The following HGFAC variants were observed in gnomAD, a reference collection of about 807,000 sequenced individuals.
HGFAC encodes the protein HGF activator, also known as hepatocyte growth factor activator serine protease.
HGFAC carries 76 observed loss-of-function variants against 70.6 expected under a neutral mutation model. The ratio of observed to expected loss-of-function variants is 1.08; its 90% CI spans 0.89 to 1.30. The LOEUF is 1.30. HGFAC is among the 50% of genes most tolerant of loss of function. The pLI is 0.00. For missense variants in HGFAC, 1,044 were observed against 933.7 expected (o/e 1.12, Z -1.54); for synonymous variants, 464 against 405.3 (o/e 1.14, Z -1.74).
intron 3 of HGFAC, 49 bp from the exon 4 acceptor site, chr4:3,443,292 T>TG (rs1275125801): frequency 1.8e-5 from 18 of 1,010,916 alleles, no homozygotes; most frequent in African/African-American, 1.2e-4. Context: ...TGGGGTGGGG[T>TG]GGGGGGCCTC....
rs570560421 is a variant in HGFAC, at chr4:3,447,531, C to T, written c.1395C>T (p.His465=). The T allele has an allele frequency of 2.5e-6, 4 of 1,612,706 alleles. No homozygotes were observed. The East Asian group carries it at 8.9e-5, about 36-fold the overall frequency. The change falls in exon 11 of 14, where the codon CAC becomes CAT. Residue 465 remains histidine (H), a synonymous_variant. Coordinates refer to ENST00000382774, the MANE Select transcript of HGFAC (RefSeq NM_001528.4). ...GCGTCTCCGTGGTGCTGGGCCAGCA[C>T]TTCTTCAACCGCACGACGGACGTGA... is the stretch of plus-strand genomic sequence containing the variant. ...RDSVSVVLGQ[H]FFNRTTDVTQ...
At position 3,449,225 on chromosome 4, in the gene HGFAC, G is replaced by C; in HGVS notation, c.1786-12G>C. ...CCCTGGGAGGGTGGCTCTGACCAAC[G>C]TCTCTGCCCAGGGGGACTCAGGGGG... On this transcript the variant is annotated splice_polypyrimidine_tract_variant and intron_variant, in intron 13 of 13. Transcript: ENST00000382774. 6.2e-7 allele frequency: 1 copy of C among 1,607,280 alleles called. No individual in the cohort carries two copies. Among genetic ancestry groups the C allele is most frequent in the East Asian group, 2.2e-5 (1 of 44,686 alleles).
chr4:3,443,602 G>A (rs1051954657), intron 4 of HGFAC, among the ~76,000 whole-genome samples, 182 bp downstream of exon 4: 9 of 152,322 alleles, frequency 5.9e-5, no homozygotes, highest in East Asian at 1.9e-4. Context: ...TGGGACCTGC[G>A]TCTCATGGTG....
At chr4:3,445,120 C>A in intron 8 of HGFAC, 127 bp downstream of exon 8, 1 of 1,328,516 alleles carries the variant, frequency 7.5e-7, no homozygotes, top group Non-Finnish European at 1.0e-6. Flanking sequence ...GAACCTCTGC[C>A]TGGGAGGCTG....
chr4:3,441,345 C>G (rs1316408716), upstream of HGFAC, among the ~76,000 whole-genome samples: 1 of 152,136 alleles, frequency 6.6e-6, no homozygotes, highest in Non-Finnish European at 1.5e-5. The surrounding 1 kb of genome is among the most constrained non-coding windows in gnomAD (Gnocchi z 6.0). Flanking sequence ...GCTGGGGGGC[C>G]CTGGCCACCC....
Position 3,444,950 on chromosome 4 carries a change from G to A in HGFAC, c.973G>A (p.Gly325Ser). 1 of 1,607,496 alleles carries A rather than the reference G, an allele frequency of 6.2e-7. No individual in the cohort carries two copies. Among genetic ancestry groups the A allele is most frequent in the Non-Finnish European group, 8.5e-7 (1 of 1,177,938 alleles). ...CCAGGAGCTGCACGTGGACTCCGTGGGCGCCGCGGCCCTGCTGGGCCTGGG... is the reference window on the plus strand; with the variant it reads ...CCAGGAGCTGCACGTGGACTCCGTGAGCGCCGCGGCCCTGCTGGGCCTGGG... Reference protein sequence around the residue: ...LYQELHVDSVGAAALLGLGPH... With the variant: ...LYQELHVDSVSAAALLGLGPH... The change falls in exon 8 of 14, where the codon GGC becomes AGC. Residue 325 changes from glycine (G) to serine (S), a missense_variant. Gly to Ser is a moderately conservative substitution (Grantham distance 56). Transcript: ENST00000382774.
At chr4:3,445,454 A>G in intron 9 of HGFAC, 104 bp downstream of exon 9, 1 of 816,152 alleles carries the variant, frequency 1.2e-6, no homozygotes, top group Non-Finnish European at 2.1e-6. Context: ...TGCATCTCTG[A>G]CAAATGGGGA....
Position 3,442,718 on chromosome 4 carries a change from T to C in HGFAC, c.118-14T>C. Reference sequence around the variant, plus strand: ...GGGTCTGTCCCACACTGACACCCTTTCTGCTCCTCCTAGAACCGTACGGAG... The same window carrying C: ...GGGTCTGTCCCACACTGACACCCTTCCTGCTCCTCCTAGAACCGTACGGAG... On this transcript the variant is annotated splice_polypyrimidine_tract_variant and intron_variant, in intron 1 of 13. Transcript: ENST00000382774. The C allele has an allele frequency of 6.8e-7, 1 of 1,463,768 alleles. No homozygotes were observed. The highest frequency in any genetic ancestry group is 1.5e-5 in the South Asian group (1 of 65,840). 90.7% of individuals were successfully genotyped at this position (1,463,768 alleles called of 1,614,324 possible).
Position 3,442,070 on chromosome 4 carries a change from C to CCTGCTGCTG in HGFAC, c.80_88dup (p.Leu27_Leu29dup). The CCTGCTGCTG allele has an allele frequency of 6.5e-7, 1 of 1,531,380 alleles. No homozygotes were observed. Among genetic ancestry groups the CCTGCTGCTG allele is most frequent in the Non-Finnish European group, 8.7e-7 (1 of 1,147,044 alleles). The allele number at this position is 1,531,380 out of a possible 1,614,324, so 94.9% of individuals were successfully genotyped here. A position where few individuals can be genotyped will look rare whatever the true frequency, so the allele number is the denominator to read the frequency against. On this transcript the variant is annotated inframe_insertion, in exon 1 of 14. Coordinates refer to ENST00000382774, the MANE Select transcript of HGFAC (RefSeq NM_001528.4). ...GGCTGGGCCCCTTCCTCCTCCTCCT[C>CCTGCTGCTG]CTGCTGCTGCTGCTGCTGCCACGGG...
chr4:3,441,142 A>T (rs375910868), upstream of HGFAC, among the ~76,000 whole-genome samples: 1 of 152,066 alleles, frequency 6.6e-6, no homozygotes, highest in Non-Finnish European at 1.5e-5. This position sits in a 1 kb window ranked among gnomAD's most constrained non-coding sequence, Gnocchi z 6.0. Context: ...CCACAGCCCC[A>T]AGTCACGAAT....
At position 3,443,037 on chromosome 4, in the gene HGFAC, C is replaced by G; in HGVS notation, c.299-13C>G. 6.3e-7 allele frequency: 1 copy of G among 1,588,424 alleles called. No individual in the cohort carries two copies. Among genetic ancestry groups the G allele is most frequent in the African/African-American group, 1.3e-5 (1 of 74,660 alleles). ...CTCGAGGGAGCCCTGACCCTGCCAC[C>G]CCCTCCCCACAGCACTCACCGAGGA... On this transcript the variant is annotated splice_polypyrimidine_tract_variant and intron_variant, in intron 2 of 13. Coordinates refer to ENST00000382774, the MANE Select transcript of HGFAC (RefSeq NM_001528.4).
intron 1 of HGFAC, 106 bp downstream of exon 1, chr4:3,442,224 G>A: frequency 1.2e-6 from 1 of 845,308 alleles, no homozygotes; most frequent in Admixed American, 2.9e-5. Context: ...GGGATTTGAG[G>A]GGGCGGGGGT....
rs2073504 is a variant in HGFAC, at chr4:3,442,866, G to A, written c.252G>A (p.Pro84=). Residue 84 remains proline (P), a synonymous_variant, in exon 2 of 14, where the codon CCG becomes CCA. Transcript: ENST00000382774. ...EAEGPQSGGL[P]PPPRAVPSSS... Reference sequence around the variant, plus strand: ...AGGGACCCCAAAGTGGGGGGCTCCCGCCCCCGCCCAGGGCAGTTCCCTCGA... The same window carrying A: ...AGGGACCCCAAAGTGGGGGGCTCCCACCCCCGCCCAGGGCAGTTCCCTCGA... 0.17 allele frequency: 268,373 copies of A among 1,569,054 alleles called. 24,859 individuals carry two copies. The highest frequency in any genetic ancestry group is 0.37 in the East Asian group (16,482 of 44,184).
Position 3,442,071 on chromosome 4 carries a change from C to T in HGFAC, c.70C>T (p.Leu24=), listed in dbSNP as rs753908869. 1.2e-5 allele frequency: 17 copies of T among 1,471,330 alleles called. No homozygotes were observed. In the Admixed American group the frequency reaches 1.5e-4, roughly 13 times the overall value. 91.1% of individuals were successfully genotyped at this position (1,471,330 alleles called of 1,614,324 possible). A position where few individuals can be genotyped will look rare whatever the true frequency, so the allele number is the denominator to read the frequency against. ...GCTGGGCCCCTTCCTCCTCCTCCTC[C>T]TGCTGCTGCTGCTGCTGCCACGGGG... ...PGLGPFLLLL[L]LLLLLPRGFQ... Residue 24 remains leucine, a synonymous_variant, in exon 1 of 14, where the codon CTG becomes TTG. Coordinates refer to ENST00000382774, the MANE Select transcript of HGFAC (RefSeq NM_001528.4).
chr4:3,443,437 G>A lies in HGFAC; in HGVS notation c.475+17G>A. 4.2e-6 allele frequency: 6 copies of A among 1,428,602 alleles called. No individual in the cohort carries two copies. Among genetic ancestry groups the A allele is most frequent in the Non-Finnish European group, 5.5e-6 (6 of 1,083,566 alleles). 88.5% of individuals were successfully genotyped at this position (1,428,602 alleles called of 1,614,324 possible). A position where few individuals can be genotyped will look rare whatever the true frequency, so the allele number is the denominator to read the frequency against. On this transcript the variant is annotated intron_variant, in intron 4 of 13. Transcript: ENST00000382774. ...GGGGCCCAGGTGGGTGCTGGGTTGGGTAGCCTGGGGCGGGCAGGGGGCACT... is the reference window on the plus strand; with the variant it reads ...GGGGCCCAGGTGGGTGCTGGGTTGGATAGCCTGGGGCGGGCAGGGGGCACT...
rs2109296833 is a variant in HGFAC at position 3,444,419 on chromosome 4, G to C, written c.707G>C (p.Trp236Ser). The C allele has an allele frequency of 1.9e-6, 3 of 1,602,062 alleles. No individual in the cohort carries two copies. Among genetic ancestry groups the C allele is most frequent in the East Asian group, 2.2e-5 (1 of 44,480 alleles). ...TGCGAGTGCTTCGGGGGCCGGACCT[G>C]GTGCGAAGGCACCCGACATACAGGT... ...EQCECFGGRTWCEGTRHTACL... is the reference protein window; with the variant it reads ...EQCECFGGRTSCEGTRHTACL... The change falls in exon 6 of 14, where the codon TGG becomes TCG. Residue 236 changes from tryptophan (W) to serine (S), a missense_variant. Coordinates refer to ENST00000382774, the MANE Select transcript of HGFAC (RefSeq NM_001528.4).
intron 3 of HGFAC, 22 bp from the exon 4 acceptor site, chr4:3,443,319 G>C (rs751494815): frequency 1.0e-5 from 16 of 1,537,800 alleles, no homozygotes; most frequent in Non-Finnish European, 1.8e-6. Context: ...GGACCCCCAT[G>C]CACGCAGGTG....
At chr4:3,447,845 C>T (rs759687857) in intron 11 of HGFAC, 50 bp from the exon 12 acceptor site, 1 of 1,592,338 alleles carries the variant, frequency 6.3e-7, no homozygotes. Flanking sequence ...CCGACAGCCT[C>T]CCGTTCAGCC....
In HGFAC at chr4:3,442,748, C is replaced by T. The variant is rs780676873; in HGVS notation, c.134C>T (p.Pro45Leu). 38 of 1,513,878 alleles carry T rather than the reference C, an allele frequency of 2.5e-5. No individual in the cohort carries two copies. Among genetic ancestry groups the T allele is most frequent in the Non-Finnish European group, 3.1e-5 (35 of 1,133,256 alleles). The allele number at this position is 1,513,878 out of a possible 1,614,324, so 93.8% of individuals were successfully genotyped here. A position where few individuals can be genotyped will look rare whatever the true frequency, so the allele number is the denominator to read the frequency against. Residue 45 changes from proline (P) to leucine (L), a missense_variant, in exon 2 of 14, where the codon CCA becomes CTA. Coordinates refer to ENST00000382774, the MANE Select transcript of HGFAC (RefSeq NM_001528.4). ...PQPGGNRTESPEPNATATPAI... is the reference protein window; with the variant it reads ...PQPGGNRTESLEPNATATPAI... The stretch of plus-strand genomic sequence containing the variant: ...TCCTCCTAGAACCGTACGGAGTCCC[C>T]AGAACCTAATGCCACAGCGACCCCT...
Sources: gnomAD v4.1 joint callset for allele counts (sites outside exome capture counted in the v4.1 genomes callset) on GRCh38, gnomAD v4.1.1 for gene constraint, Gnocchi (gnomAD v3.1) non-coding constraint, MANE v1.5 for transcripts, NCBI Gene and HGNC (gene_info 2026-07-23, HGNC 2026-07-21) for gene names.